SEC13: variants seen among roughly 807,000 people sequenced by gnomAD.
The protein encoded by SEC13 is protein SEC13 homolog.
In SEC13, 25 loss-of-function variants were observed where a neutral mutation model predicts 49.2. That is an observed-to-expected ratio of 0.51 (90% confidence interval 0.37 to 0.71). The LOEUF is 0.71. Ranked by LOEUF, SEC13 falls within the 30% of genes least tolerant of loss-of-function variation. SEC13 has a pLI of 0.00. For missense variants in SEC13, 383 were observed against 417.6 expected (o/e 0.92, Z 0.72); for synonymous variants, 148 against 163.9 (o/e 0.90, Z 0.74).
chr3:10,304,972 AAG>A (rs898527685), intron 7 of SEC13, 59 bp downstream of exon 7: 13 of 1,611,064 alleles, frequency 8.1e-6, no homozygotes, highest in African/African-American at 8.0e-5. Context: ...TAAGGAGACT[AAG>A]AGCTGATGGG....
chr3:10,308,045 C>A (rs186281848), intron 5 of SEC13, among the ~76,000 whole-genome samples: 30 of 152,292 alleles, frequency 2.0e-4, no homozygotes, highest in African/African-American at 7.0e-4. Flanking sequence ...TAGTTCATAT[C>A]CTTTACACTC....
intron 5 of SEC13, among the ~76,000 whole-genome samples, chr3:10,306,655 TG>T (rs2125251945): frequency 6.6e-6 from 1 of 152,308 alleles, no homozygotes; most frequent in South Asian, 2.1e-4. Context: ...CCACGTGTTG[TG>T]GGAGGGACCT....
At chr3:10,309,419 AT>A (rs1480404702) in intron 5 of SEC13, among the ~76,000 whole-genome samples, 1 of 151,366 alleles carries the variant, frequency 6.6e-6, no homozygotes, top group Non-Finnish European at 1.5e-5. Context: ...TTACCTCTTC[AT>A]TTTTTTGCTC....
At chr3:10,320,930 GCGGTGGAGGGGAGCTGAA>G in intron 1 of SEC13, 102 bp downstream of exon 1, 1 of 1,519,346 alleles carries the variant, frequency 6.6e-7, no homozygotes, top group South Asian at 1.3e-5. Flanking sequence ...AAATCTCTAA[GCGGTGGAGGGGAGCTGAA>G]CGGCTCCAGC....
intron 5 of SEC13, among the ~76,000 whole-genome samples, chr3:10,309,381 C>CCTGT (rs1701106337): frequency 6.6e-6 from 1 of 152,126 alleles, no homozygotes; most frequent in East Asian, 1.9e-4. Flanking sequence ...GACCTTTCTG[C>CCTGT]CTGTCTTTAC....
intron 5 of SEC13, among the ~76,000 whole-genome samples, chr3:10,309,842 C>T (rs1051104718): frequency 4.6e-5 from 7 of 152,216 alleles, no homozygotes; most frequent in Admixed American, 4.6e-4. Flanking sequence ...AGTCTAAGCT[C>T]AGAACTCTCC....
At chr3:10,311,780 C>T (rs1196922580) in intron 5 of SEC13, 185 bp downstream of exon 5, 3 of 1,446,752 alleles carry the variant, frequency 2.1e-6, no homozygotes, top group Admixed American at 4.9e-5. Flanking sequence ...GTGCCAAGCC[C>T]TGCCTGGTCT....
intron 7 of SEC13, 109 bp downstream of exon 7, chr3:10,304,924 C>T: frequency 6.5e-7 from 1 of 1,532,804 alleles, no homozygotes; most frequent in African/African-American, 1.4e-5. Context: ...CCAAAGGTGC[C>T]TGTTGCTCTC....
chr3:10,304,846 G>A (rs1700766549), intron 7 of SEC13, among the ~76,000 whole-genome samples, 187 bp downstream of exon 7: 2 of 152,188 alleles, frequency 1.3e-5, no homozygotes, highest in African/African-American at 2.4e-5. Flanking sequence ...CATCTCAGTG[G>A]AGGCAGGCCA....
intron 3 of SEC13, among the ~76,000 whole-genome samples, chr3:10,314,263 G>A (rs1325236008): frequency 2.0e-5 from 3 of 152,194 alleles, no homozygotes; most frequent in African/African-American, 4.8e-5. Context: ...TTACAGGCGT[G>A]AGCCACCTTG....
At chr3:10,301,422 T>A in intron 8 of SEC13, 48 bp from the exon 9 acceptor site, 1 of 1,611,148 alleles carries the variant, frequency 6.2e-7, no homozygotes, top group Non-Finnish European at 8.5e-7. Flanking sequence ...TGCCCTTCCC[T>A]CTGCTGTCCC....
chr3:10,305,246 A>G, intron 6 of SEC13, 90 bp from the exon 7 acceptor site: 1 of 1,479,728 alleles, frequency 6.8e-7, no homozygotes, highest in Non-Finnish European at 9.0e-7. Context: ...TGGGGTGGAG[A>G]AGCGATTCCA....
intron 5 of SEC13, 47 bp from the exon 6 acceptor site, chr3:10,305,739 G>A: frequency 6.2e-7 from 1 of 1,609,228 alleles, no homozygotes; most frequent in African/African-American, 1.3e-5. Context: ...AGAGAACACT[G>A]CTTCTGCAGA....
intron 8 of SEC13, 105 bp from the exon 9 acceptor site, chr3:10,301,479 G>T (rs989310564): frequency 7.0e-7 from 1 of 1,438,278 alleles, no homozygotes; most frequent in African/African-American, 1.4e-5. Context: ...CCAGAGGCTT[G>T]TGGGTGAACA....
Position 10,315,303 on chromosome 3 carries a change from G to A in SEC13, c.164+18C>T. The A allele has an allele frequency of 6.3e-7, 1 of 1,581,908 alleles. No individual in the cohort carries two copies. Among genetic ancestry groups the A allele is most frequent in the Non-Finnish European group, 8.7e-7 (1 of 1,151,448 alleles). Reference sequence around the variant, plus strand: ...CACACCATTCCTGGAGCCCTTCCCTGGGCTCGCCAGCACTTACCCCCTGAG... The same window carrying A: ...CACACCATTCCTGGAGCCCTTCCCTAGGCTCGCCAGCACTTACCCCCTGAG... On this transcript the variant is annotated intron_variant, in intron 3 of 8. Transcript: ENST00000350697.
At chr3:10,320,615 T>A in intron 1 of SEC13, 1 of 998,534 alleles carries the variant, frequency 1.0e-6, no homozygotes, top group Non-Finnish European at 1.2e-6. Context: ...TACTACCACT[T>A]AAGCAGCTGT....
Position 10,304,072 on chromosome 3 carries a change from C to A in SEC13, c.809G>T (p.Trp270Leu), listed in dbSNP as rs1234790928. The stretch of plus-strand genomic sequence containing the variant: ...AGCCAGGATGTTGGCTGTGATGGAC[C>A]AGCTCACATGCCACACCACATCGTT... The part of the protein sequence containing the change: ...KFNDVVWHVS[W>L]SITANILAVS... Residue 270 changes from tryptophan to leucine, a missense_variant, in exon 8 of 9, where the codon TGG (tryptophan) becomes TTG (leucine). Physicochemically the swap from Trp to Leu is moderately conservative, Grantham distance 61. Transcript: ENST00000350697. 1.2e-6 allele frequency: 2 copies of A among 1,614,118 alleles called. No individual in the cohort carries two copies. Among genetic ancestry groups the A allele is most frequent in the African/African-American group, 2.7e-5 (2 of 75,018 alleles).
At position 10,301,099 on chromosome 3, in the gene SEC13, G is replaced by C; in HGVS notation, c.*162C>G. The C allele has an allele frequency of 1.9e-6, 3 of 1,613,064 alleles. No individual in the cohort carries two copies. The highest frequency in any genetic ancestry group is 2.5e-6 in the Non-Finnish European group (3 of 1,179,830). ...GGACAGTAGATTACAAAGCATCTCC[G>C]ATCACGTTAAGGCAGATGATCAATC... On this transcript the variant is annotated 3_prime_UTR_variant, in exon 9 of 9. Coordinates refer to ENST00000350697, the MANE Select transcript of SEC13 (RefSeq NM_183352.3).
rs1250713116 is a variant in SEC13 at position 10,313,529 on chromosome 3, C to A, written c.165-799G>T. ...AAAAAAGCCACTCAATACCCATTAG[C>A]TATTAGTGCTGCTCCTGGTTTACTC... On this transcript the variant is annotated intron_variant, in intron 3 of 8. Coordinates refer to ENST00000350697, the MANE Select transcript of SEC13 (RefSeq NM_183352.3). The A allele has an allele frequency of 6.6e-6, 3 of 457,200 alleles. No homozygotes were observed. In the East Asian group the frequency reaches 1.7e-4, roughly 26 times the overall value. The allele number at this position is 457,200 out of a possible 1,614,324, so 28.3% of individuals were successfully genotyped here. A position where few individuals can be genotyped will look rare whatever the true frequency, so the allele number is the denominator to read the frequency against.
Sources: gnomAD v4.1 joint callset for allele counts (sites outside exome capture counted in the v4.1 genomes callset) on GRCh38, gnomAD v4.1.1 for gene constraint, MANE v1.5 for transcripts, NCBI Gene and HGNC (gene_info 2026-07-23, HGNC 2026-07-21) for gene names.